GPR37: variants seen among roughly 807,000 people sequenced by gnomAD.
GPR37 encodes the protein G protein-coupled receptor 37.
In GPR37, 20 loss-of-function variants were observed where a neutral mutation model predicts 43.6. That is an observed-to-expected ratio of 0.46 (90% CI 0.32 to 0.67). GPR37 has a LOEUF of 0.67. Among genes scored for constraint, GPR37 ranks in the 30% least tolerant of loss-of-function variants. The pLI is 0.03. For synonymous variants in GPR37, 315 were observed against 322.6 expected, an observed-to-expected ratio of 0.98 and a Z score of 0.25; for missense variants, 724 against 797.2, an observed-to-expected ratio of 0.91 and a Z score of 1.11.
rs1019667925 is a variant in GPR37, at chr7:124,745,173, T to C, written c.*1352A>G. Reference sequence around the variant, plus strand: ...GGAATACTGACTTACTTATGCCGAGTAGAACAGAAATCAACAAGCAGAAAC... The same window carrying C: ...GGAATACTGACTTACTTATGCCGAGCAGAACAGAAATCAACAAGCAGAAAC... On this transcript the variant is annotated 3_prime_UTR_variant, in exon 2 of 2. Coordinates refer to ENST00000303921, the MANE Select transcript of GPR37 (RefSeq NM_005302.5). 1.4e-4 allele frequency among the ~76,000 whole-genome samples: 22 copies of C among 152,130 alleles called. No individual in the cohort carries two copies. The highest frequency in any genetic ancestry group is 4.8e-4 in the African/African-American group (20 of 41,436).
chr7:124,746,662 C>CACAGCA lies in GPR37; in HGVS notation c.1699_1704dup (p.Cys567_Cys568dup), dbSNP rs747446861. Reference sequence around the variant, plus strand: ...GTTGAAGACTTCTGAATGCATTCCTCACAGCAACAGCAGCAGCACTCCATG... The same window carrying CACAGCA: ...GTTGAAGACTTCTGAATGCATTCCTCACAGCAACAGCAACAGCAGCAGCACTCCATG... On this transcript the variant is annotated inframe_insertion, in exon 2 of 2. Coordinates refer to ENST00000303921, the MANE Select transcript of GPR37 (RefSeq NM_005302.5). The CACAGCA allele has an allele frequency of 1.2e-6, 2 of 1,613,924 alleles. No individual in the cohort carries two copies. The highest frequency in any genetic ancestry group is 1.7e-6 in the Non-Finnish European group (2 of 1,179,878).
Position 124,764,994 on chromosome 7 carries a change from C to T in GPR37, c.-18G>A. The T allele has an allele frequency of 1.1e-5, 16 of 1,440,966 alleles. No individual in the cohort carries two copies. Among genetic ancestry groups the T allele is most frequent in the African/African-American group, 1.4e-5 (1 of 69,574 alleles). 89.3% of individuals were successfully genotyped at this position (1,440,966 alleles called of 1,614,324 possible). A position where few individuals can be genotyped will look rare whatever the true frequency, so the allele number is the denominator to read the frequency against. On this transcript the variant is annotated 5_prime_UTR_variant, in exon 1 of 2. In the 5' UTR this introduces an upstream ATG that the reference lacks. Coordinates refer to ENST00000303921, the MANE Select transcript of GPR37 (RefSeq NM_005302.5). The surrounding 1 kb of genome is among the most constrained non-coding windows in gnomAD (Gnocchi z 5.4). ...GCTCGCATGGCTTGGTGAGGGCACA[C>T]CCGGCAGCCGCAGCTCCTGCTTAGT...
intron 1 of GPR37, among the ~76,000 whole-genome samples, chr7:124,747,656 C>T (rs539856959): frequency 2.6e-4 from 39 of 152,150 alleles, no homozygotes; most frequent in Admixed American, 3.3e-4. Context: ...AACCCAGATA[C>T]ACTAAAAATT....
chr7:124,758,240 C>G (rs1324800341), intron 1 of GPR37, among the ~76,000 whole-genome samples: 1 of 152,172 alleles, frequency 6.6e-6, no homozygotes, highest in Non-Finnish European at 1.5e-5. Context: ...AAAGTGCACT[C>G]TAAGAAACAC....
chr7:124,755,172 C>T (rs1422095867), intron 1 of GPR37, among the ~76,000 whole-genome samples: 1 of 152,128 alleles, frequency 6.6e-6, no homozygotes, highest in Non-Finnish European at 1.5e-5. Context: ...AAACAGAGCT[C>T]TGGCAGCCAC....
rs770691420 is a variant in GPR37 at position 124,746,885 on chromosome 7, T to C, written c.1482A>G (p.Val494=). The C allele has an allele frequency of 6.2e-7, 1 of 1,614,110 alleles. No homozygotes were observed. The highest frequency in any genetic ancestry group is 1.7e-5 in the Admixed American group (1 of 60,022). ...IQLESQMNCT[V]VALTILYGFC... Reference sequence around the variant, plus strand: ...ATCCATATAAAATGGTCAGTGCCACTACTGTACAGTTCATCTGACTCTCTA... The same window carrying C: ...ATCCATATAAAATGGTCAGTGCCACCACTGTACAGTTCATCTGACTCTCTA... The change falls in exon 2 of 2, where the codon GTA becomes GTG. Residue 494 remains valine (V), a synonymous_variant. Transcript: ENST00000303921.
chr7:124,763,712 T>C (rs1793876557), intron 1 of GPR37, among the ~76,000 whole-genome samples: 1 of 152,160 alleles, frequency 6.6e-6, no homozygotes, highest in Non-Finnish European at 1.5e-5. Flanking sequence ...AACAATTCTG[T>C]ATATTGTGAG....
chr7:124,761,738 C>T (rs1793853884), intron 1 of GPR37, among the ~76,000 whole-genome samples: 1 of 152,120 alleles, frequency 6.6e-6, no homozygotes, highest in African/African-American at 2.4e-5. Flanking sequence ...GACTGTAGTT[C>T]TTGTTCTCAG....
At position 124,764,530 on chromosome 7, in the gene GPR37, T is replaced by C. The variant is rs1301507142; in HGVS notation, c.447A>G (p.Ser149=). 1 of 1,608,454 alleles carries C rather than the reference T, an allele frequency of 6.2e-7. No individual in the cohort carries two copies. Among genetic ancestry groups the C allele is most frequent in the East Asian group, 2.2e-5 (1 of 44,840 alleles). ...PTALQLFLQI[S]EEEEKGPRGA... Reference sequence around the variant, plus strand: ...CTCTGGGACCCTTCTCTTCCTCCTCTGAGATCTGAAGGAAGAGCTGGAGGG... The same window carrying C: ...CTCTGGGACCCTTCTCTTCCTCCTCCGAGATCTGAAGGAAGAGCTGGAGGG... Residue 149 remains serine (S), a synonymous_variant, in exon 1 of 2, where the codon TCA becomes TCG. Transcript: ENST00000303921. The surrounding 1 kb of genome is among the most constrained non-coding windows in gnomAD (Gnocchi z 5.4).
chr7:124,755,903 C>G (rs1793786099), intron 1 of GPR37, among the ~76,000 whole-genome samples: 1 of 152,124 alleles, frequency 6.6e-6, no homozygotes, highest in Non-Finnish European at 1.5e-5. Context: ...ACCTATTTCC[C>G]TTTCTGACTA....
intron 1 of GPR37, among the ~76,000 whole-genome samples, chr7:124,762,874 G>A (rs146973567): frequency 3.5e-4 from 54 of 152,274 alleles, no homozygotes; most frequent in African/African-American, 1.1e-3. Flanking sequence ...CAGGGGCTGC[G>A]GAATATTTAC....
rs1227108422 is a variant in GPR37 at position 124,764,745 on chromosome 7, C to T, written c.232G>A (p.Ala78Thr). ...CAGGAGGGTCCCGCAAGAAACGCTG[C>T]CCCCTGCTCCTCCCTGGGTGCTCGG... ...RARAPREEQG[A>T]AFLAGPSWDL... Residue 78 changes from alanine (A) to threonine (T), a missense_variant, in exon 1 of 2, where the codon GCA becomes ACA. Ala to Thr is a moderately conservative substitution (Grantham distance 58). Around this residue, in one of 2 missense-constraint regions of GPR37, gnomAD observed 382 missense variants for 355.4 expected, o/e 1.07. Transcript: ENST00000303921. This position sits in a 1 kb window ranked among gnomAD's most constrained non-coding sequence, Gnocchi z 5.4. 1.2e-6 allele frequency: 2 copies of T among 1,611,036 alleles called. No individual in the cohort carries two copies. The highest frequency in any genetic ancestry group is 1.7e-6 in the Non-Finnish European group (2 of 1,179,714).
chr7:124,750,440 A>G (rs1394322460), intron 1 of GPR37, among the ~76,000 whole-genome samples: 1 of 152,168 alleles, frequency 6.6e-6, no homozygotes, highest in Non-Finnish European at 1.5e-5. Context: ...AGGAAAGCTC[A>G]GTAATATAAA....
At chr7:124,762,352 G>A (rs1793860614) in intron 1 of GPR37, among the ~76,000 whole-genome samples, 1 of 150,876 alleles carries the variant, frequency 6.6e-6, no homozygotes, top group South Asian at 2.1e-4. Flanking sequence ...TTTCCCTCTA[G>A]TGTATACAGA....
intron 1 of GPR37, among the ~76,000 whole-genome samples, chr7:124,753,005 A>G (rs781780566): frequency 5.9e-5 from 9 of 152,114 alleles, no homozygotes; most frequent in Non-Finnish European, 1.2e-4. Context: ...AAAAAAAAAT[A>G]GCCCAGGAAG....
chr7:124,759,790 A>G (rs745977586), intron 1 of GPR37, among the ~76,000 whole-genome samples: 1 of 152,244 alleles, frequency 6.6e-6, no homozygotes, highest in Non-Finnish European at 1.5e-5. Flanking sequence ...TTCTCACAAT[A>G]GACCTTGGAA....
At chr7:124,752,197 T>C (rs796116570) in intron 1 of GPR37, among the ~76,000 whole-genome samples, 8 of 152,284 alleles carry the variant, frequency 5.3e-5, no homozygotes, top group African/African-American at 1.7e-4. Context: ...TTCTTCTTGA[T>C]CACCCCTAAA....
rs754010081 is a variant in GPR37, at chr7:124,747,156, C to T, written c.1211G>A (p.Ser404Asn). The T allele has an allele frequency of 6.2e-7, 1 of 1,614,020 alleles. No individual in the cohort carries two copies. Among genetic ancestry groups the T allele is most frequent in the East Asian group, 2.2e-5 (1 of 44,866 alleles). The part of the protein sequence containing the change: ...ALPEVVLRQL[S>N]KEDLGFSGRA... ...GCCACTAAACCCCAAATCCTCCTTG[C>T]TCAGCTGGCGGAGAACAACTTCTGG... The change falls in exon 2 of 2, where the codon AGC becomes AAC. Residue 404 changes from serine to asparagine, a missense_variant. By Grantham distance (46) the Ser-to-Asn change is conservative. Around this residue, in one of 2 missense-constraint regions of GPR37, gnomAD observed 342 missense variants for 441.8 expected, o/e 0.77. Transcript: ENST00000303921.
chr7:124,757,733 ATTACT>A (rs1158030218), intron 1 of GPR37, among the ~76,000 whole-genome samples: 1 of 152,090 alleles, frequency 6.6e-6, no homozygotes, highest in African/African-American at 2.4e-5. Context: ...GGTGTAGAAC[ATTACT>A]TTACTTTTCT....
Sources: allele counts gnomAD v4.1 joint callset (sites outside exome capture counted in the v4.1 genomes callset), GRCh38; gene constraint gnomAD v4.1.1; regional missense constraint gnomAD v4.1.1; non-coding constraint Gnocchi (gnomAD v3.1); transcripts MANE v1.5; gene names NCBI Gene and HGNC (gene_info 2026-07-23, HGNC 2026-07-21).